Variants in CAMKMT observed in about 807,000 individuals in gnomAD.
The protein encoded by CAMKMT is CaM KMT.
Under a neutral mutation model 48.0 loss-of-function variants are expected in CAMKMT, and 53 were observed. That is an observed-to-expected ratio of 1.10 (90% CI 0.89 to 1.39). The LOEUF is 1.39. Among genes scored for constraint, CAMKMT ranks in the 40% most tolerant of loss-of-function variants. CAMKMT has a pLI of 0.00. For missense variants in CAMKMT, 428 were observed against 402.7 expected (o/e 1.06, Z -0.54); for synonymous variants, 165 against 152.3 (o/e 1.08, Z -0.61).
At chr2:44,418,634 A>G (rs546736515) in intron 3 of CAMKMT, among the ~76,000 whole-genome samples, 1 of 152,268 alleles carries the variant, frequency 6.6e-6, no homozygotes, top group Non-Finnish European at 1.5e-5. Flanking sequence ...CATTGTCATG[A>G]TTATTATAGC....
intron 3 of CAMKMT, among the ~76,000 whole-genome samples, chr2:44,512,309 G>A (rs1429013804): frequency 6.6e-6 from 1 of 152,180 alleles, no homozygotes; most frequent in Non-Finnish European, 1.5e-5. Flanking sequence ...TTTATAAACT[G>A]AGGCTAATAA....
At chr2:44,648,528 T>C (rs1160257704) in intron 3 of CAMKMT, among the ~76,000 whole-genome samples, 1 of 152,212 alleles carries the variant, frequency 6.6e-6, no homozygotes, top group African/African-American at 2.4e-5. Context: ...CTGAAAGATA[T>C]TGAACAGCTG....
At chr2:44,537,746 A>G (rs1216575083) in intron 3 of CAMKMT, among the ~76,000 whole-genome samples, 1 of 152,116 alleles carries the variant, frequency 6.6e-6, no homozygotes, top group Non-Finnish European at 1.5e-5. Context: ...TATATTTTGT[A>G]GAAACAGAGT....
intron 3 of CAMKMT, chr2:44,549,793 A>T: frequency 2.3e-6 from 1 of 425,990 alleles, no homozygotes; most frequent in East Asian, 3.5e-5. Context: ...TACATCCTAG[A>T]ACAAAGACAT....
chr2:44,635,776 A>C (rs1042604842), intron 3 of CAMKMT, among the ~76,000 whole-genome samples: 5 of 152,222 alleles, frequency 3.3e-5, no homozygotes, highest in Non-Finnish European at 4.4e-5. Context: ...TAGCAATCTA[A>C]CCTAGTGTTG....
intron 3 of CAMKMT, among the ~76,000 whole-genome samples, chr2:44,692,313 A>G (rs1195356547): frequency 6.6e-6 from 1 of 152,124 alleles, no homozygotes; most frequent in Non-Finnish European, 1.5e-5. Flanking sequence ...TACATGCATT[A>G]TCTCATTTAA....
At chr2:44,443,073 A>T (rs1666770716) in intron 3 of CAMKMT, among the ~76,000 whole-genome samples, 1 of 152,210 alleles carries the variant, frequency 6.6e-6, no homozygotes, top group African/African-American at 2.4e-5. Flanking sequence ...GAAGATTTAA[A>T]ATATAGTTCT....
At chr2:44,549,151 T>C (rs1178115977) in intron 3 of CAMKMT, among the ~76,000 whole-genome samples, 1 of 152,176 alleles carries the variant, frequency 6.6e-6, no homozygotes, top group Admixed American at 6.5e-5. Flanking sequence ...TAAGCTCTTC[T>C]TTCTGTTGGA....
chr2:44,716,671 C>G (rs1678190857), intron 7 of CAMKMT, among the ~76,000 whole-genome samples: 1 of 152,078 alleles, frequency 6.6e-6, no homozygotes, highest in African/African-American at 2.4e-5. Context: ...GTTAGGACAG[C>G]CTTTCCTTCA....
At chr2:44,585,939 A>G (rs1262627615) in intron 3 of CAMKMT, among the ~76,000 whole-genome samples, 3 of 152,222 alleles carry the variant, frequency 2.0e-5, no homozygotes, top group African/African-American at 2.4e-5. Flanking sequence ...GCAATAGTCA[A>G]TTTTAATCAC....
At chr2:44,453,156 T>C (rs1263519857) in intron 3 of CAMKMT, among the ~76,000 whole-genome samples, 1 of 151,974 alleles carries the variant, frequency 6.6e-6, no homozygotes, top group African/African-American at 2.4e-5. Flanking sequence ...GTGTTGTAAT[T>C]CAATCATCTA....
At chr2:44,599,375 T>G (rs1572891423) in intron 3 of CAMKMT, among the ~76,000 whole-genome samples, 1 of 152,132 alleles carries the variant, frequency 6.6e-6, no homozygotes, top group Admixed American at 6.5e-5. Context: ...ATCTGGCAGT[T>G]CTTAGGAACC....
intron 3 of CAMKMT, among the ~76,000 whole-genome samples, chr2:44,434,323 G>A (rs1207049481): frequency 3.3e-5 from 5 of 151,842 alleles, no homozygotes; most frequent in African/African-American, 9.7e-5. Flanking sequence ...AAGTGCATCC[G>A]TCTGTTGACT....
chr2:44,402,251 C>T (rs1682439660), intron 3 of CAMKMT, among the ~76,000 whole-genome samples: 1 of 145,938 alleles, frequency 6.9e-6, no homozygotes, highest in Non-Finnish European at 1.5e-5. Flanking sequence ...ATTGCTTGAA[C>T]CCGGGAGGCA....
At chr2:44,365,321 A>C (rs982533728) in intron 1 of CAMKMT, among the ~76,000 whole-genome samples, 6 of 152,190 alleles carry the variant, frequency 3.9e-5, no homozygotes, top group Non-Finnish European at 2.9e-5. Flanking sequence ...TTTGTAATTA[A>C]CAAAACATAG....
At chr2:44,642,632 A>G (rs766657989) in intron 3 of CAMKMT, among the ~76,000 whole-genome samples, 5 of 152,112 alleles carry the variant, frequency 3.3e-5, no homozygotes, top group Non-Finnish European at 5.9e-5. Context: ...TCTCTACACA[A>G]TTCCTCCTGC....
chr2:44,477,731 T>A (rs1372713102), intron 3 of CAMKMT, among the ~76,000 whole-genome samples: 1 of 152,196 alleles, frequency 6.6e-6, no homozygotes, highest in Non-Finnish European at 1.5e-5. Context: ...TAAAGAATAG[T>A]CATTTGAAGA....
At chr2:44,509,072 G>T (rs1177049968) in intron 3 of CAMKMT, among the ~76,000 whole-genome samples, 1 of 147,892 alleles carries the variant, frequency 6.8e-6, no homozygotes, top group Non-Finnish European at 1.5e-5. Flanking sequence ...CTCCAGGCTG[G>T]ATGACAGACC....
chr2:44,754,135 T>C lies in CAMKMT; in HGVS notation c.762+17T>C. On this transcript the variant is annotated intron_variant, in intron 9 of 10. Coordinates refer to ENST00000378494, the MANE Select transcript of CAMKMT (RefSeq NM_024766.5). ...CAGCCCAGGGTAAGTATGTTTCTAT[T>C]TTCTCCTGAACACTGGCTACAGAAT... 6.3e-7 allele frequency: 1 copy of C among 1,597,624 alleles called. No homozygotes were observed. The highest frequency in any genetic ancestry group is 8.6e-7 in the Non-Finnish European group (1 of 1,165,034).
Sources: allele counts gnomAD v4.1 joint callset (sites outside exome capture counted in the v4.1 genomes callset), GRCh38; gene constraint gnomAD v4.1.1; transcripts MANE v1.5; gene names NCBI Gene and HGNC (gene_info 2026-07-23, HGNC 2026-07-21).